The following ANO4 variants were observed in gnomAD, a reference collection of about 807,000 sequenced individuals.
ANO4 encodes anoctamin 4.
In ANO4, 69 loss-of-function variants were observed where a neutral mutation model predicts 141.9. That is an observed-to-expected ratio of 0.49 (90% confidence interval 0.40 to 0.59). The LOEUF is 0.59. Ranked by LOEUF, ANO4 falls within the 20% of genes least tolerant of loss-of-function variation. The pLI is 0.00. For synonymous variants in ANO4, 350 were observed against 394.3 expected (o/e 0.89, Z 1.33); for missense variants, 894 against 1,162.2 (o/e 0.77, Z 3.36).
intron 1 of ANO4, among the ~76,000 whole-genome samples, chr12:100,719,241 C>T (rs1409084048): frequency 6.6e-6 from 1 of 152,144 alleles, no homozygotes; most frequent in East Asian, 1.9e-4. Flanking sequence ...TGCATCCATC[C>T]CTAAAATGAT....
At chr12:100,761,597 G>C (rs2175995) in intron 3 of ANO4, among the ~76,000 whole-genome samples, 1 of 151,966 alleles carries the variant, frequency 6.6e-6, no homozygotes, top group Admixed American at 6.6e-5. Flanking sequence ...TTTATTGGCC[G>C]TGTAGGTACC....
chr12:100,987,645 C>T lies in ANO4; in HGVS notation c.709C>T (p.Pro237Ser), dbSNP rs1008739959. Residue 237 changes from proline to serine, a missense_variant, in exon 8 of 28, where the codon CCT becomes TCT. Pro to Ser is a moderately conservative substitution (Grantham distance 74). Around this residue, in one of 2 missense-constraint regions of ANO4, gnomAD observed 637 missense variants for 909.2 expected, o/e 0.70. Transcript: ENST00000392977. ...GGAGGAGAATGACTGCTACACTGCC[C>T]CTTTCAGCCAGCAAAGGATCCATCA... is the stretch of plus-strand genomic sequence containing the variant. ...DLEENDCYTA[P>S]FSQQRIHHFI... 2.5e-6 allele frequency: 4 copies of T among 1,613,896 alleles called. No individual in the cohort carries two copies. The highest frequency in any genetic ancestry group is 3.4e-6 in the Non-Finnish European group (4 of 1,179,986).
intron 1 of ANO4, among the ~76,000 whole-genome samples, chr12:100,853,706 T>C (rs1004268022): frequency 1.2e-4 from 18 of 152,280 alleles, no homozygotes; most frequent in African/African-American, 4.3e-4. Flanking sequence ...CGTGACCTAT[T>C]AACTTCCAAT....
intron 7 of ANO4, among the ~76,000 whole-genome samples, chr12:100,979,762 G>T (rs891903406): frequency 6.6e-6 from 1 of 151,618 alleles, no homozygotes; most frequent in Non-Finnish European, 1.5e-5. Context: ...GAGTCTCACT[G>T]TGTTGCCCAG....
chr12:100,749,402 A>G (rs2032264701), intron 3 of ANO4, among the ~76,000 whole-genome samples: 1 of 152,244 alleles, frequency 6.6e-6, no homozygotes, highest in Non-Finnish European at 1.5e-5. Context: ...TCATTTTGAC[A>G]AGAGCATTGG....
intron 14 of ANO4, among the ~76,000 whole-genome samples, chr12:101,064,465 A>T (rs2048486987): frequency 6.6e-6 from 1 of 152,134 alleles, no homozygotes; most frequent in African/African-American, 2.4e-5. Flanking sequence ...AAAGACTAGT[A>T]GTTCCCCACA....
chr12:101,013,796 A>G (rs906376998), intron 8 of ANO4, among the ~76,000 whole-genome samples: 4 of 152,214 alleles, frequency 2.6e-5, no homozygotes, highest in African/African-American at 9.6e-5. Context: ...AGAAATTTCT[A>G]TTAAACAGTG....
At chr12:100,753,401 G>C (rs1365111831) in intron 3 of ANO4, among the ~76,000 whole-genome samples, 1 of 152,140 alleles carries the variant, frequency 6.6e-6, no homozygotes, top group Non-Finnish European at 1.5e-5. Flanking sequence ...GCTCAGATCT[G>C]AGTCCTTTAG....
intron 2 of ANO4, among the ~76,000 whole-genome samples, chr12:100,903,453 C>A (rs887152877): frequency 5.9e-5 from 9 of 152,192 alleles, no homozygotes; most frequent in Non-Finnish European, 1.0e-4. Context: ...GGGTCCAGTT[C>A]AAACTTCTTA....
At chr12:100,952,442 A>G (rs1377749937) in intron 5 of ANO4, among the ~76,000 whole-genome samples, 8 of 152,218 alleles carry the variant, frequency 5.3e-5, no homozygotes, top group Middle Eastern at 3.2e-3. Flanking sequence ...CATTGATGGT[A>G]CTGATAAAGA....
chr12:100,896,790 G>A (rs1301584781), intron 1 of ANO4, among the ~76,000 whole-genome samples: 2 of 152,172 alleles, frequency 1.3e-5, no homozygotes, highest in Non-Finnish European at 2.9e-5. Flanking sequence ...AAACGCTAGA[G>A]CCTAAAGCCT....
chr12:100,975,082 C>A (rs917903190), intron 7 of ANO4, among the ~76,000 whole-genome samples, 193 bp downstream of exon 7: 5 of 152,014 alleles, frequency 3.3e-5, no homozygotes, highest in Admixed American at 3.3e-4. Flanking sequence ...CTCTCCGCGT[C>A]TTCCCAGTAA....
chr12:101,115,497 T>C (rs778196683), intron 24 of ANO4, among the ~76,000 whole-genome samples: 4 of 152,054 alleles, frequency 2.6e-5, no homozygotes, highest in South Asian at 4.1e-4. Context: ...CGTGCCAATA[T>C]TACATGACTA....
At chr12:100,903,907 C>T (rs1181999899) in intron 2 of ANO4, among the ~76,000 whole-genome samples, 1 of 152,172 alleles carries the variant, frequency 6.6e-6, no homozygotes, top group African/African-American at 2.4e-5. Context: ...TCAAATAGAC[C>T]ATCGCATCTG....
At position 100,846,441 on chromosome 12, in the gene ANO4, A is replaced by G. The variant is rs150451185; in HGVS notation, c.-141+51414A>G. Among the ~76,000 whole-genome samples the G allele has an allele frequency of 3.0e-3, 461 of 152,358 alleles. 3 individuals carry two copies. Among genetic ancestry groups the G allele is most frequent in the African/African-American group, 0.01 (427 of 41,586 alleles). On this transcript the variant is annotated intron_variant, in intron 1 of 27. Transcript: ENST00000392977. ...TATCACTCAATAATTTGATGTTATG[A>G]ACAACAAATATTTTACTGGTGCTAA...
chr12:101,042,570 C>T lies in ANO4; in HGVS notation c.1154+102C>T. On this transcript the variant is annotated intron_variant, in intron 12 of 27. Transcript: ENST00000392977. ...GATTGTGGAGACATTTAGCTTTTCA[C>T]TCAAACTTCCTACCCTCTCATGGAA... 4.1e-6 allele frequency: 6 copies of T among 1,454,588 alleles called. No homozygotes were observed. The South Asian group carries it at 6.3e-5, about 15-fold the overall frequency. 90.1% of individuals were successfully genotyped at this position (1,454,588 alleles called of 1,614,324 possible).
chr12:100,915,351 A>G (rs537457967), intron 2 of ANO4, among the ~76,000 whole-genome samples: 1 of 152,358 alleles, frequency 6.6e-6, no homozygotes, highest in East Asian at 1.9e-4. Flanking sequence ...TGTATTAAGT[A>G]TACCTCTCAG....
chr12:100,775,248 A>G (rs918232585), intron 3 of ANO4, among the ~76,000 whole-genome samples: 4 of 152,188 alleles, frequency 2.6e-5, no homozygotes, highest in African/African-American at 7.2e-5. Context: ...TTCATCCCCA[A>G]AGGAGGTTGC....
At chr12:101,014,410 A>C (rs188294595) in intron 8 of ANO4, among the ~76,000 whole-genome samples, 6 of 152,282 alleles carry the variant, frequency 3.9e-5, no homozygotes, top group Admixed American at 6.5e-5. Context: ...GAAAGCATAA[A>C]GGTCGAGCCT....
Sources: gnomAD v4.1 joint callset for allele counts (sites outside exome capture counted in the v4.1 genomes callset) on GRCh38, gnomAD v4.1.1 for gene constraint, gnomAD v4.1.1 regional missense constraint, MANE v1.5 for transcripts, NCBI Gene and HGNC (gene_info 2026-07-23, HGNC 2026-07-21) for gene names.